CHLSN: variants seen among roughly 807,000 people sequenced by gnomAD.
CHLSN encodes the protein protein cholesin.
the CHLSN span, chr7:1,043,571 C>T: frequency 6.6e-6 from 1 of 152,262 alleles, no homozygotes; most frequent in African/African-American, 2.4e-5. Flanking sequence ...GCACACAGGG[C>T]CCGGGCTGCA....
At chr7:1,107,362 A>G in the CHLSN span, among the ~76,000 whole-genome samples, 1 of 152,042 alleles carries the variant, frequency 6.6e-6, no homozygotes, top group African/African-American at 2.4e-5. Context: ...GAAAACTGCC[A>G]TTTACCAAGA....
chr7:1,120,108 T>C, the CHLSN span, among the ~76,000 whole-genome samples: 1 of 151,992 alleles, frequency 6.6e-6, no homozygotes, highest in Non-Finnish European at 1.5e-5. Context: ...TAAAACCACA[T>C]ACTCAGAATG....
chr7:1,058,052 C>G, the CHLSN span: 1 of 768,416 alleles, frequency 1.3e-6, no homozygotes, highest in Non-Finnish European at 2.4e-6. Flanking sequence ...TAGAGTGCGC[C>G]AAGATGCAGA....
At chr7:1,024,306 G>A in the CHLSN span, among the ~76,000 whole-genome samples, 4 of 152,168 alleles carry the variant, frequency 2.6e-5, no homozygotes, top group African/African-American at 7.2e-5. Flanking sequence ...TGCCAGAGAC[G>A]TGGGACCAGG....
chr7:1,111,904 C>T, the CHLSN span, among the ~76,000 whole-genome samples: 1 of 152,130 alleles, frequency 6.6e-6, no homozygotes, highest in African/African-American at 2.4e-5. Flanking sequence ...AAATCCTCAG[C>T]ACACGCGGCT....
chr7:995,606 C>G, the CHLSN span, among the ~76,000 whole-genome samples: 1 of 152,276 alleles, frequency 6.6e-6, no homozygotes, highest in African/African-American at 2.4e-5. Flanking sequence ...ATAGGGGCCA[C>G]TGAGCACCCT....
chr7:1,082,793 C>T, the CHLSN span, among the ~76,000 whole-genome samples: 2 of 152,200 alleles, frequency 1.3e-5, no homozygotes, highest in East Asian at 1.9e-4. Flanking sequence ...CATGTTCCCA[C>T]CAAGGGGAAG....
the CHLSN span, among the ~76,000 whole-genome samples, chr7:1,008,470 G>GC: frequency 6.6e-6 from 1 of 152,200 alleles, no homozygotes; most frequent in Non-Finnish European, 1.5e-5. Context: ...CCTGGCCTCA[G>GC]CCCCACGTTC....
the CHLSN span, among the ~76,000 whole-genome samples, chr7:1,015,925 C>T: frequency 8.5e-4 from 129 of 152,320 alleles, no homozygotes; most frequent in African/African-American, 2.6e-3. Flanking sequence ...CCTGACCAGA[C>T]GGAAATACTC....
At chr7:1,102,272 C>T in the CHLSN span, among the ~76,000 whole-genome samples, 2 of 152,272 alleles carry the variant, frequency 1.3e-5, no homozygotes, top group Non-Finnish European at 2.9e-5. Context: ...TAGAGAGAAG[C>T]GAGGAGCTGG....
chr7:987,134 G>T, the CHLSN span: 1 of 1,567,156 alleles, frequency 6.4e-7, no homozygotes, highest in Non-Finnish European at 8.7e-7. Context: ...CCTGTTTGCT[G>T]AGGCCAACGC....
chr7:1,047,738 C>T, the CHLSN span, among the ~76,000 whole-genome samples: 253 of 152,322 alleles, frequency 1.7e-3, 2 homozygotes, highest in South Asian at 0.015. Context: ...CCTGGGGCCT[C>T]GCAGTTCTCT....
chr7:1,079,710 G>C, the CHLSN span, among the ~76,000 whole-genome samples: 16 of 152,298 alleles, frequency 1.1e-4, 1 homozygote, highest in South Asian at 3.3e-3. Context: ...GGAGGGCTCA[G>C]GGGCAGGGGT....
chr7:1,002,266 T>G, the CHLSN span, among the ~76,000 whole-genome samples: 2 of 74,168 alleles, frequency 2.7e-5, no homozygotes, highest in Non-Finnish European at 5.2e-5. Context: ...TGTGGGTGAG[T>G]GGAGCCCTGT....
chr7:993,561 G>A, the CHLSN span, among the ~76,000 whole-genome samples: 8 of 152,288 alleles, frequency 5.3e-5, no homozygotes, highest in Middle Eastern at 6.8e-3. Context: ...GATCGCTTGA[G>A]CCCAGGAGTT....
At chr7:994,105 TTC>T in the CHLSN span, among the ~76,000 whole-genome samples, 18 of 152,332 alleles carry the variant, frequency 1.2e-4, no homozygotes, top group Non-Finnish European at 2.5e-4. Flanking sequence ...GGCAATGTGA[TTC>T]TGACTTCCAA....
At chr7:1,100,959 G>T in the CHLSN span, among the ~76,000 whole-genome samples, 1 of 152,164 alleles carries the variant, frequency 6.6e-6, no homozygotes, top group African/African-American at 2.4e-5. Flanking sequence ...CCTGGCCTAG[G>T]CGGGGTCTGC....
chr7:1,018,808 G>A, the CHLSN span, among the ~76,000 whole-genome samples: 7 of 152,138 alleles, frequency 4.6e-5, no homozygotes, highest in Non-Finnish European at 7.4e-5. Flanking sequence ...TCAGGGCTGC[G>A]CCCCAGGTCT....
At chr7:983,875 G>C in the CHLSN span, among the ~76,000 whole-genome samples, 3 of 152,348 alleles carry the variant, frequency 2.0e-5, no homozygotes, top group Admixed American at 2.0e-4. Flanking sequence ...ACGGGGACAC[G>C]GCACGGGGCA....
Sources: gnomAD v4.1 joint callset for allele counts (sites outside exome capture counted in the v4.1 genomes callset) on GRCh38, gnomAD v4.1.1 for gene constraint, MANE v1.5 for transcripts, NCBI Gene and HGNC (gene_info 2026-07-23, HGNC 2026-07-21) for gene names.